PTPRK: variants seen among roughly 807,000 people sequenced by gnomAD.
PTPRK encodes the protein protein tyrosine phosphatase receptor type K.
A neutral mutation model predicts 178.0 loss-of-function variants in PTPRK; 75 were observed. The ratio of observed to expected loss-of-function variants is 0.42; its 90% CI spans 0.35 to 0.51. The LOEUF (loss-of-function observed/expected upper bound fraction) is 0.51. PTPRK is among the 20% of genes least tolerant of loss of function. The pLI, the probability that PTPRK is intolerant of heterozygous loss-of-function variation, is 0.02. For synonymous variants in PTPRK, 637 were observed against 620.6 expected, an observed-to-expected ratio of 1.03 and a Z score of -0.39; for missense variants, 1,441 against 1,797.8, an observed-to-expected ratio of 0.80 and a Z score of 3.59.
chr6:128,165,500 C>G (rs962536948), intron 7 of PTPRK, among the ~76,000 whole-genome samples: 3 of 151,116 alleles, frequency 2.0e-5, no homozygotes, highest in African/African-American at 7.3e-5. Flanking sequence ...AGGTCTCAGT[C>G]TTTTGGTAAG....
chr6:128,371,491 C>T (rs563383080), intron 2 of PTPRK, among the ~76,000 whole-genome samples: 2 of 152,116 alleles, frequency 1.3e-5, no homozygotes, highest in Admixed American at 1.3e-4. Context: ...ACTATTAAAA[C>T]CTGGAACACT....
chr6:128,111,217 T>C (rs1048092600), intron 7 of PTPRK, among the ~76,000 whole-genome samples: 2 of 152,194 alleles, frequency 1.3e-5, no homozygotes, highest in Non-Finnish European at 2.9e-5. Flanking sequence ...TATCCTAAGT[T>C]AATACATTTA....
intron 21 of PTPRK, among the ~76,000 whole-genome samples, chr6:127,989,383 A>AT (rs34254765): frequency 0.46 from 70,374 of 151,724 alleles, 16,378 homozygotes; most frequent in African/African-American, 0.51. Flanking sequence ...GTATAATGCT[A>AT]TTTCAACTTA....
At chr6:128,453,429 T>G (rs1467856026) in intron 1 of PTPRK, among the ~76,000 whole-genome samples, 1 of 152,144 alleles carries the variant, frequency 6.6e-6, no homozygotes, top group African/African-American at 2.4e-5. Context: ...ACCTACCTCA[T>G]GAGGTGTTAT....
At chr6:128,085,327 T>C (rs1405955650) in intron 8 of PTPRK, 1 of 152,254 alleles carries the variant, frequency 6.6e-6, no homozygotes, top group Non-Finnish European at 1.5e-5. Context: ...CACATCTGTG[T>C]CTATTGCTAA....
intron 3 of PTPRK, among the ~76,000 whole-genome samples, chr6:128,254,655 T>G (rs1030458049): frequency 6.6e-6 from 1 of 152,136 alleles, no homozygotes; most frequent in Admixed American, 6.5e-5. Flanking sequence ...AAAGATGAAG[T>G]CTGTAAGACT....
At chr6:128,132,625 T>C (rs1188476403) in intron 7 of PTPRK, among the ~76,000 whole-genome samples, 2 of 152,218 alleles carry the variant, frequency 1.3e-5, no homozygotes, top group Non-Finnish European at 2.9e-5. Context: ...ACACCACTAC[T>C]ATGTGAACAA....
At chr6:128,141,584 A>C (rs1481745117) in intron 7 of PTPRK, among the ~76,000 whole-genome samples, 1 of 151,844 alleles carries the variant, frequency 6.6e-6, no homozygotes, top group Admixed American at 6.6e-5. Flanking sequence ...CAACAGCAAA[A>C]GCAATATAAA....
intron 3 of PTPRK, among the ~76,000 whole-genome samples, chr6:128,319,801 T>C (rs1828534674): frequency 6.6e-6 from 1 of 152,156 alleles, no homozygotes; most frequent in South Asian, 2.1e-4. Context: ...ATAAATATAG[T>C]TTATGTTATG....
chr6:128,499,736 A>T (rs1343176187), intron 1 of PTPRK, among the ~76,000 whole-genome samples: 1 of 152,224 alleles, frequency 6.6e-6, no homozygotes, highest in Non-Finnish European at 1.5e-5. Flanking sequence ...ACATATAAGG[A>T]TACATAAATC....
chr6:128,328,690 C>T (rs187651664), intron 2 of PTPRK, among the ~76,000 whole-genome samples: 33 of 152,160 alleles, frequency 2.2e-4, no homozygotes, highest in Admixed American at 5.9e-4. Context: ...CTAAGGATAT[C>T]AAGCAGCTTT....
chr6:128,426,455 C>T (rs572766537), intron 1 of PTPRK, among the ~76,000 whole-genome samples: 2 of 152,226 alleles, frequency 1.3e-5, no homozygotes, highest in South Asian at 4.2e-4. Flanking sequence ...ATCATCTGGA[C>T]CTTATCATTG....
chr6:128,096,792 C>G (rs1289621011), intron 7 of PTPRK, among the ~76,000 whole-genome samples: 1 of 152,022 alleles, frequency 6.6e-6, no homozygotes. Flanking sequence ...AGTGAATTTT[C>G]TGACTGCCAG....
At chr6:128,172,742 A>C (rs1800473319) in intron 7 of PTPRK, among the ~76,000 whole-genome samples, 1 of 151,402 alleles carries the variant, frequency 6.6e-6, no homozygotes, top group African/African-American at 2.4e-5. Context: ...ACATATACAC[A>C]CGTACATATA....
At chr6:128,438,425 C>T (rs1023122141) in intron 1 of PTPRK, among the ~76,000 whole-genome samples, 1 of 152,220 alleles carries the variant, frequency 6.6e-6, no homozygotes, top group Admixed American at 6.5e-5. Context: ...AGAATCTACT[C>T]TATCACTGCC....
At chr6:128,111,570 GAAATGTAGTTTTATGCTTACTTA>G (rs1301024192) in intron 7 of PTPRK, among the ~76,000 whole-genome samples, 6 of 151,768 alleles carry the variant, frequency 4.0e-5, no homozygotes, top group Non-Finnish European at 7.4e-5. Flanking sequence ...TTTTTATCTG[GAAATGTAGTTTTATGCTTACTTA>G]AAATGTACCT....
At chr6:128,331,739 T>G (rs1830306103) in intron 2 of PTPRK, among the ~76,000 whole-genome samples, 6 of 140,326 alleles carry the variant, frequency 4.3e-5, no homozygotes. Context: ...CAGAAAAAGT[T>G]AGAAAAAGTA....
chr6:128,317,444 A>G, intron 3 of PTPRK, among the ~76,000 whole-genome samples: 1 of 145,830 alleles, frequency 6.9e-6, no homozygotes, highest in East Asian at 1.9e-4. Flanking sequence ...AATAGATTGA[A>G]AAAAAAAAAC....
chr6:128,389,426 TGTG>T (rs1562418487), intron 2 of PTPRK, among the ~76,000 whole-genome samples: 5 of 148,022 alleles, frequency 3.4e-5, no homozygotes, highest in Non-Finnish European at 6.0e-5. Context: ...TTTTTTGTTG[TGTG>T]TGTGTGTGTG....
Sources: allele counts gnomAD v4.1 joint callset (sites outside exome capture counted in the v4.1 genomes callset), GRCh38; gene constraint gnomAD v4.1.1; transcripts MANE v1.5; gene names NCBI Gene and HGNC (gene_info 2026-07-23, HGNC 2026-07-21).